Variants in BZW2 observed in about 807,000 individuals in gnomAD.
BZW2 encodes the protein basic leucine zipper and W2 domains 2.
A neutral mutation model predicts 53.2 loss-of-function variants in BZW2; 23 were observed. That is an observed-to-expected ratio of 0.43 (90% CI 0.31 to 0.61). The LOEUF is 0.61. Among genes scored for constraint, BZW2 ranks in the 20% least tolerant of loss-of-function variants. The probability of loss-of-function intolerance (pLI) is 0.09; values close to 1 mark genes in which losing one functional copy is unlikely to be tolerated. For missense variants in BZW2, 409 were observed against 503.1 expected, an observed-to-expected ratio of 0.81 and a Z score of 1.79; for synonymous variants, 227 against 186.4, an observed-to-expected ratio of 1.22 and a Z score of -1.77.
chr7:16,705,343 G>C (rs991330653), intron 11 of BZW2, among the ~76,000 whole-genome samples: 1 of 151,140 alleles, frequency 6.6e-6, no homozygotes, highest in Non-Finnish European at 1.5e-5. Flanking sequence ...GGATGACAGA[G>C]CAAGACTCCA....
At chr7:16,663,334 G>C (rs1782323871) in intron 1 of BZW2, among the ~76,000 whole-genome samples, 1 of 152,054 alleles carries the variant, frequency 6.6e-6, no homozygotes, top group Admixed American at 6.6e-5. Context: ...TCGAGGGCAT[G>C]GATTCTGGCT....
intron 1 of BZW2, among the ~76,000 whole-genome samples, chr7:16,658,218 C>G (rs1034847308): frequency 9.9e-5 from 15 of 152,058 alleles, no homozygotes; most frequent in African/African-American, 3.1e-4. Context: ...TAACTAGAGA[C>G]CAGGAAGTGA....
Position 16,706,279 on chromosome 7 carries a change from T to A in BZW2, c.*191T>A. The stretch of plus-strand genomic sequence containing the variant: ...TTAAATGGAGCCCTGAGGCATCAGC[T>A]ATTATACTTGGGACTCTACCTCTCA... On this transcript the variant is annotated 3_prime_UTR_variant, in exon 12 of 12. Coordinates refer to ENST00000258761, the MANE Select transcript of BZW2 (RefSeq NM_014038.3). The A allele has an allele frequency of 3.3e-6, 2 of 603,106 alleles. No homozygotes were observed. Among genetic ancestry groups the A allele is most frequent in the Non-Finnish European group, 5.7e-6 (2 of 348,658 alleles). The allele number at this position is 603,106 out of a possible 1,614,324, so 37.4% of individuals were successfully genotyped here.
At chr7:16,652,070 G>T (rs1456804963) in intron 1 of BZW2, among the ~76,000 whole-genome samples, 2 of 152,126 alleles carry the variant, frequency 1.3e-5, no homozygotes, top group African/African-American at 4.8e-5. Flanking sequence ...ATAAGCTCCA[G>T]ATGGGCAGGG....
chr7:16,650,932 C>A (rs368299247), intron 1 of BZW2, among the ~76,000 whole-genome samples: 13 of 152,240 alleles, frequency 8.5e-5, no homozygotes, highest in African/African-American at 3.1e-4. Flanking sequence ...TTGAATGAAC[C>A]ATTCTTTAAG....
intron 1 of BZW2, among the ~76,000 whole-genome samples, chr7:16,651,947 C>G (rs1239557382): frequency 6.6e-6 from 1 of 152,126 alleles, no homozygotes; most frequent in African/African-American, 2.4e-5. Context: ...AAGCTGTCTT[C>G]GAGAATCATA....
chr7:16,662,225 T>A (rs192717525), intron 1 of BZW2: 31 of 152,260 alleles, frequency 2.0e-4, no homozygotes, highest in East Asian at 9.6e-4. Context: ...GAGAGCAGAA[T>A]ATCTTTATTT....
rs755070742 is a variant in BZW2, at chr7:16,681,384, A to G, written c.319A>G (p.Thr107Ala). Residue 107 changes from threonine (T) to alanine (A), a missense_variant, in exon 4 of 12, where the codon ACC (threonine) becomes GCC (alanine). By Grantham distance (58) the Thr-to-Ala change is moderately conservative (BLOSUM62 0). Coordinates refer to ENST00000258761, the MANE Select transcript of BZW2 (RefSeq NM_014038.3). Reference protein sequence around the residue: ...CVFSANEDHETIRNYAQVFNK... With the variant: ...CVFSANEDHEAIRNYAQVFNK... Reference sequence around the variant, plus strand: ...GTTTTCAGCAAATGAAGATCATGAAACCATCCGAAACTATGCTCAGGTAGA... The same window carrying G: ...GTTTTCAGCAAATGAAGATCATGAAGCCATCCGAAACTATGCTCAGGTAGA... The G allele has an allele frequency of 6.2e-7, 1 of 1,613,932 alleles. No individual in the cohort carries two copies. The highest frequency in any genetic ancestry group is 8.5e-7 in the Non-Finnish European group (1 of 1,179,860).
intron 2 of BZW2, among the ~76,000 whole-genome samples, chr7:16,666,810 G>A (rs1043504990): frequency 1.3e-5 from 2 of 152,156 alleles, no homozygotes; most frequent in Non-Finnish European, 2.9e-5. Context: ...CCACTTTTGT[G>A]TGGAGACAAG....
At chr7:16,689,973 A>T in intron 7 of BZW2, 67 bp downstream of exon 7, 1 of 1,162,188 alleles carries the variant, frequency 8.6e-7, no homozygotes, top group Non-Finnish European at 1.2e-6. Context: ...AATGCCTGCA[A>T]TGTAGTATAT....
intron 1 of BZW2, among the ~76,000 whole-genome samples, chr7:16,662,964 T>C (rs1031730434): frequency 6.6e-6 from 1 of 152,206 alleles, no homozygotes; most frequent in Non-Finnish European, 1.5e-5. Flanking sequence ...ATATTTTGTA[T>C]AATATTTGTG....
At chr7:16,674,866 T>C (rs778627410) in intron 3 of BZW2, among the ~76,000 whole-genome samples, 2 of 152,178 alleles carry the variant, frequency 1.3e-5, no homozygotes, top group Admixed American at 6.5e-5. Context: ...TTCTCATATG[T>C]CCCTAATCTT....
At chr7:16,697,902 A>G in intron 9 of BZW2, 146 bp from the exon 10 acceptor site, 5 of 949,412 alleles carry the variant, frequency 5.3e-6, no homozygotes, top group Non-Finnish European at 6.2e-6. Context: ...CCCTCACCCC[A>G]TTGGGCACAA....
rs1783458393 is a variant in BZW2 at position 16,695,655 on chromosome 7, A to G, written c.822+651A>G. Among the ~76,000 whole-genome samples the G allele has an allele frequency of 4.6e-5, 7 of 152,262 alleles. No homozygotes were observed. The South Asian group carries it at 1.2e-3, about 27-fold the overall frequency. ...TTAGTGTATCTGGAGAGAGCTTTCT[A>G]TTTGAAGTTTTAAAATCTTTCATGC... On this transcript the variant is annotated intron_variant, in intron 8 of 11. Transcript: ENST00000258761.
intron 6 of BZW2, among the ~76,000 whole-genome samples, chr7:16,687,744 A>G (rs1439507061): frequency 6.6e-6 from 1 of 152,088 alleles, no homozygotes; most frequent in Non-Finnish European, 1.5e-5. Context: ...AATAAAGAAA[A>G]TGGTTAAGAA....
At chr7:16,690,450 C>G (rs1783266810) in intron 7 of BZW2, among the ~76,000 whole-genome samples, 1 of 152,122 alleles carries the variant, frequency 6.6e-6, no homozygotes, top group South Asian at 2.1e-4. Flanking sequence ...AGTAATCCGC[C>G]CACCTCAGCC....
At chr7:16,674,679 T>C in intron 3 of BZW2, 91 bp downstream of exon 3, 1 of 1,134,648 alleles carries the variant, frequency 8.8e-7, no homozygotes, top group Non-Finnish European at 1.2e-6. Context: ...TTTATAAGTT[T>C]ATGTTTATTA....
intron 2 of BZW2, among the ~76,000 whole-genome samples, chr7:16,668,828 T>C (rs554225902): frequency 6.6e-6 from 1 of 152,344 alleles, no homozygotes; most frequent in African/African-American, 2.4e-5. Context: ...AATAGAACTC[T>C]AATCAGATTC....
intron 1 of BZW2, among the ~76,000 whole-genome samples, chr7:16,653,034 T>TTG (rs10533020): frequency 2.0e-3 from 300 of 150,054 alleles, no homozygotes; most frequent in East Asian, 5.5e-3. Context: ...GAAAGTAACT[T>TTG]TGTGTGTGTG....
Sources: gnomAD v4.1 joint callset for allele counts (sites outside exome capture counted in the v4.1 genomes callset) on GRCh38, gnomAD v4.1.1 for gene constraint, MANE v1.5 for transcripts, NCBI Gene and HGNC (gene_info 2026-07-23, HGNC 2026-07-21) for gene names.